PTPRD: variants seen among roughly 807,000 people sequenced by gnomAD.
PTPRD encodes the protein receptor-type tyrosine-protein phosphatase delta.
PTPRD carries 34 observed loss-of-function variants against 214.5 expected under a neutral mutation model. That is an observed-to-expected ratio of 0.16 (90% CI 0.12 to 0.21). The LOEUF (loss-of-function observed/expected upper bound fraction) is 0.21. Ranked by LOEUF, PTPRD falls within the 10% of genes least tolerant of loss-of-function variation. PTPRD has a pLI of 1.00. For synonymous variants in PTPRD, 1,128 were observed against 845.7 expected (o/e 1.33, Z -5.79); for missense variants, 2,545 against 2,398.7 (o/e 1.06, Z -1.27).
chr9:8,536,410 CACACACACATAT>C (rs1335772371), intron 14 of PTPRD, among the ~76,000 whole-genome samples: 4 of 146,856 alleles, frequency 2.7e-5, no homozygotes, highest in South Asian at 2.1e-4. Flanking sequence ...TACATACATA[CACACACACATAT>C]ACACACACAT....
chr9:10,350,766 C>T (rs1354666070), intron 2 of PTPRD, among the ~76,000 whole-genome samples: 1 of 152,158 alleles, frequency 6.6e-6, no homozygotes, highest in Non-Finnish European at 1.5e-5. Flanking sequence ...GCATTGATTT[C>T]TACATTCCAT....
intron 7 of PTPRD, among the ~76,000 whole-genome samples, chr9:9,659,536 T>A (rs1428535182): frequency 1.3e-5 from 2 of 152,034 alleles, no homozygotes; most frequent in Non-Finnish European, 2.9e-5. Flanking sequence ...GTATTTTTTT[T>A]AAACCCCTGG....
chr9:10,350,123 T>C (rs1206502718), intron 2 of PTPRD, among the ~76,000 whole-genome samples: 1 of 152,004 alleles, frequency 6.6e-6, no homozygotes, highest in Non-Finnish European at 1.5e-5. Flanking sequence ...TAGACCCATT[T>C]CATTGGTGTG....
chr9:9,933,744 G>C (rs2087858672), intron 5 of PTPRD, among the ~76,000 whole-genome samples: 2 of 147,906 alleles, frequency 1.4e-5, no homozygotes, highest in Non-Finnish European at 3.0e-5. Context: ...GACATCTACA[G>C]AACTCTCCAC....
chr9:8,395,449 C>T (rs1401941427), intron 36 of PTPRD, among the ~76,000 whole-genome samples: 1 of 151,492 alleles, frequency 6.6e-6, no homozygotes, highest in Non-Finnish European at 1.5e-5. Context: ...ACAGGCCTTT[C>T]CCCCGACCCT....
chr9:9,603,392 T>C (rs527350087), intron 7 of PTPRD, among the ~76,000 whole-genome samples: 1 of 152,276 alleles, frequency 6.6e-6, no homozygotes, highest in South Asian at 2.1e-4. Flanking sequence ...GGTACCCTAA[T>C]TTCAATGTAA....
At chr9:8,538,533 A>G (rs1224489158) in intron 14 of PTPRD, among the ~76,000 whole-genome samples, 2 of 151,222 alleles carry the variant, frequency 1.3e-5, no homozygotes, top group Admixed American at 6.6e-5. Flanking sequence ...CAAATGTTAT[A>G]AAAAAAAGAA....
intron 7 of PTPRD, among the ~76,000 whole-genome samples, chr9:9,695,251 G>T (rs2097351473): frequency 6.6e-6 from 1 of 152,126 alleles, no homozygotes; most frequent in Non-Finnish European, 1.5e-5. Flanking sequence ...AAGAAATGTT[G>T]TCTGGGAGCT....
chr9:9,181,516 T>G (rs2099928205), intron 10 of PTPRD, among the ~76,000 whole-genome samples: 1 of 152,000 alleles, frequency 6.6e-6, no homozygotes, highest in Non-Finnish European at 1.5e-5. Flanking sequence ...AACAAATTTA[T>G]GTACCTCCTA....
intron 10 of PTPRD, among the ~76,000 whole-genome samples, chr9:9,024,887 A>T (rs1461218202): frequency 1.3e-5 from 2 of 152,002 alleles, no homozygotes; most frequent in African/African-American, 4.8e-5. Context: ...GCCAAGATTC[A>T]TCCTAAAAAC....
chr9:9,558,837 C>A (rs574922862), intron 8 of PTPRD, among the ~76,000 whole-genome samples: 1 of 152,174 alleles, frequency 6.6e-6, no homozygotes, highest in South Asian at 2.1e-4. Flanking sequence ...CGGGGACACC[C>A]TTCCTAACAG....
At chr9:9,075,672 G>A (rs1046653287) in intron 10 of PTPRD, among the ~76,000 whole-genome samples, 1 of 151,914 alleles carries the variant, frequency 6.6e-6, no homozygotes, top group African/African-American at 2.4e-5. Flanking sequence ...TTGCTTTTCT[G>A]TCCTTGTGAT....
chr9:10,489,102 C>G (rs2099151602), intron 2 of PTPRD, among the ~76,000 whole-genome samples: 1 of 152,098 alleles, frequency 6.6e-6, no homozygotes, highest in South Asian at 2.1e-4. Flanking sequence ...GAGTCTCACC[C>G]AAAGCCCTTA....
chr9:9,845,949 G>T (rs978458899), intron 5 of PTPRD, among the ~76,000 whole-genome samples: 4 of 152,036 alleles, frequency 2.6e-5, no homozygotes, highest in African/African-American at 4.8e-5. Context: ...CAAAGAAAAA[G>T]CAACAGTTTG....
chr9:9,147,608 C>T (rs2099870882), intron 10 of PTPRD, among the ~76,000 whole-genome samples: 1 of 152,132 alleles, frequency 6.6e-6, no homozygotes, highest in African/African-American at 2.4e-5. Flanking sequence ...TCTTGGAACA[C>T]AGCCATAATT....
intron 8 of PTPRD, among the ~76,000 whole-genome samples, chr9:9,525,428 T>A (rs1384710144): frequency 6.6e-6 from 1 of 152,092 alleles, no homozygotes; most frequent in East Asian, 1.9e-4. Flanking sequence ...GTAAAACTTT[T>A]AAAAAAAGTA....
chr9:9,432,212 T>C (rs1028534200), intron 8 of PTPRD, among the ~76,000 whole-genome samples: 2 of 151,952 alleles, frequency 1.3e-5, no homozygotes, highest in Non-Finnish European at 2.9e-5. Context: ...GTAAATGGGA[T>C]TGAACATCTG....
chr9:8,321,143 T>A (rs1431805111), intron 44 of PTPRD, among the ~76,000 whole-genome samples: 1 of 152,124 alleles, frequency 6.6e-6, no homozygotes, highest in African/African-American at 2.4e-5. Context: ...ATGAAGCAGA[T>A]GACCTTGAAG....
chr9:9,184,454 G>A (rs1023298746), intron 9 of PTPRD, among the ~76,000 whole-genome samples: 2 of 151,914 alleles, frequency 1.3e-5, no homozygotes, highest in Non-Finnish European at 2.9e-5. Flanking sequence ...AAGACAAAAA[G>A]AACATGATTC....
Sources: allele counts gnomAD v4.1 joint callset (sites outside exome capture counted in the v4.1 genomes callset), GRCh38; gene constraint gnomAD v4.1.1; transcripts MANE v1.5; gene names NCBI Gene and HGNC (gene_info 2026-07-23, HGNC 2026-07-21).